Variants in NCAM2 observed in about 807,000 individuals in gnomAD.
NCAM2 encodes the protein neural cell adhesion molecule 2.
In NCAM2, 30 loss-of-function variants were observed where a neutral mutation model predicts 98.1. The ratio of observed to expected loss-of-function variants is 0.31; its 90% CI spans 0.23 to 0.41. The LOEUF (loss-of-function observed/expected upper bound fraction) is 0.41. NCAM2 is among the 10% of genes least tolerant of loss of function. The pLI, the probability that NCAM2 is intolerant of heterozygous loss-of-function variation, is 1.00. For synonymous variants in NCAM2, 368 were observed against 342.4 expected (o/e 1.07, Z -0.83); for missense variants, 867 against 1,005.8 (o/e 0.86, Z 1.87).
At chr21:21,100,059 A>G (rs2066208741) in intron 1 of NCAM2, among the ~76,000 whole-genome samples, 1 of 151,966 alleles carries the variant, frequency 6.6e-6, no homozygotes, top group African/African-American at 2.4e-5. Context: ...TTGCTTCAGG[A>G]AAAGGCCTAC....
At chr21:21,154,525 C>T (rs910097490) in intron 1 of NCAM2, among the ~76,000 whole-genome samples, 1 of 151,446 alleles carries the variant, frequency 6.6e-6, no homozygotes, top group Non-Finnish European at 1.5e-5. Flanking sequence ...CTCATATTTT[C>T]TTTAAAATAC....
At chr21:21,045,274 A>G (rs1392752115) in intron 1 of NCAM2, among the ~76,000 whole-genome samples, 1 of 152,188 alleles carries the variant, frequency 6.6e-6, no homozygotes, top group Non-Finnish European at 1.5e-5. Flanking sequence ...AAGGCAAATA[A>G]ATAAATAAAT....
At chr21:21,096,760 G>C (rs1212643732) in intron 1 of NCAM2, among the ~76,000 whole-genome samples, 1 of 151,596 alleles carries the variant, frequency 6.6e-6, no homozygotes, top group Non-Finnish European at 1.5e-5. Context: ...GTGTGTGTGT[G>C]TGTTGGTGTT....
chr21:21,254,949 ATGTGTGTGTGTGTG>A (rs58330278), intron 1 of NCAM2, among the ~76,000 whole-genome samples: 8 of 148,278 alleles, frequency 5.4e-5, no homozygotes, highest in South Asian at 2.1e-4. Context: ...TAGCATATCT[ATGTGTGTGTGTGTG>A]TGTGTGTGTG....
intron 1 of NCAM2, among the ~76,000 whole-genome samples, chr21:21,242,177 T>C (rs1245100378): frequency 6.6e-6 from 1 of 152,102 alleles, no homozygotes; most frequent in East Asian, 1.9e-4. Context: ...CCCTATTGTC[T>C]GTATTTTTAA....
Position 21,175,107 on chromosome 21 carries a change from T to A in NCAM2, c.56-105471T>A, listed in dbSNP as rs1402739825. Among the ~76,000 whole-genome samples, 3 of 152,254 alleles carry A rather than the reference T, an allele frequency of 2.0e-5. No homozygotes were observed. In the East Asian group the frequency reaches 5.8e-4, roughly 29 times the overall value. ...AACAGAAAAATAACATAATTTGATA[T>A]GTCTTTTGAGATGAGTCTGGTTAAC... On this transcript the variant is annotated intron_variant, in intron 1 of 17. Transcript: ENST00000400546.
At chr21:21,361,283 G>C (rs1370419308) in intron 8 of NCAM2, among the ~76,000 whole-genome samples, 1 of 151,902 alleles carries the variant, frequency 6.6e-6, no homozygotes, top group Non-Finnish European at 1.5e-5. Flanking sequence ...ATATTTATGT[G>C]TGTGCCTGTT....
intron 16 of NCAM2, among the ~76,000 whole-genome samples, chr21:21,526,999 A>G (rs568397098): frequency 1.1e-4 from 16 of 152,338 alleles, no homozygotes; most frequent in African/African-American, 3.4e-4. Flanking sequence ...ACCTAAATAT[A>G]AATCAAAAAA....
At chr21:21,046,815 C>G (rs2065014161) in intron 1 of NCAM2, among the ~76,000 whole-genome samples, 1 of 152,148 alleles carries the variant, frequency 6.6e-6, no homozygotes, top group African/African-American at 2.4e-5. Context: ...AAACAAAAAT[C>G]TAGTCCTGCT....
intron 15 of NCAM2, among the ~76,000 whole-genome samples, chr21:21,480,401 T>TAAAAAAAAAAAAAA (rs1985767584): frequency 7.1e-6 from 1 of 140,366 alleles, no homozygotes; most frequent in African/African-American, 2.9e-5. Flanking sequence ...TAACTGCAAC[T>TAAAAAAAAAAAAAA]AAGAGAGATT....
Position 20,998,410 on chromosome 21 carries a change from C to T in NCAM2, c.-154C>T, listed in dbSNP as rs1443899500. The T allele has an allele frequency of 3.3e-6, 2 of 606,514 alleles. No homozygotes were observed. The highest frequency in any genetic ancestry group is 3.1e-5 in the East Asian group (1 of 32,574). The allele number at this position is 606,514 out of a possible 1,614,324, so 37.6% of individuals were successfully genotyped here. On this transcript the variant is annotated 5_prime_UTR_variant, in exon 1 of 18. Transcript: ENST00000400546. ...GCGGCAAGAGCGGAGCTTGCAGTCA[C>T]TTTGCGAGGAGGAGCGCGCGGGCTG...
intron 1 of NCAM2, among the ~76,000 whole-genome samples, chr21:21,136,540 C>T (rs2067055054): frequency 6.6e-6 from 1 of 151,846 alleles, no homozygotes; most frequent in Non-Finnish European, 1.5e-5. Context: ...CCACTCACTG[C>T]AACCTCCACC....
chr21:21,405,245 T>C (rs1232676062), intron 9 of NCAM2, among the ~76,000 whole-genome samples: 1 of 152,076 alleles, frequency 6.6e-6, no homozygotes, highest in Non-Finnish European at 1.5e-5. Context: ...GGCTGAATAT[T>C]CTCAATGAAA....
chr21:21,132,057 G>T (rs763786673), intron 1 of NCAM2, among the ~76,000 whole-genome samples: 1 of 152,204 alleles, frequency 6.6e-6, no homozygotes, highest in African/African-American at 2.4e-5. Context: ...CAAAGCTGAG[G>T]TGAAGAATCC....
intron 10 of NCAM2, among the ~76,000 whole-genome samples, chr21:21,411,398 G>A (rs1473938823): frequency 6.6e-6 from 1 of 150,654 alleles, no homozygotes; most frequent in Non-Finnish European, 1.5e-5. Context: ...CAATTCTAGT[G>A]TAAATTCCAA....
intron 1 of NCAM2, among the ~76,000 whole-genome samples, chr21:21,181,752 C>G (rs537096368): frequency 6.6e-6 from 1 of 152,212 alleles, no homozygotes; most frequent in South Asian, 2.1e-4. Flanking sequence ...TTTAGTCCTT[C>G]AATGTTTCTT....
At chr21:21,484,118 T>C (rs1569109425) in intron 15 of NCAM2, among the ~76,000 whole-genome samples, 1 of 152,106 alleles carries the variant, frequency 6.6e-6, no homozygotes, top group Non-Finnish European at 1.5e-5. Context: ...TTTCAACTTA[T>C]AAATGAAAGA....
rs370839423 is a variant in NCAM2 at position 21,175,520 on chromosome 21, G to A, written c.56-105058G>A. Among the ~76,000 whole-genome samples the A allele has an allele frequency of 6.6e-5, 10 of 151,974 alleles. No homozygotes were observed. In the East Asian group the frequency reaches 1.4e-3, roughly 21 times the overall value. The stretch of plus-strand genomic sequence containing the variant: ...TGCACTCCAGCCTGGGCTACAGAGC[G>A]AGACTCCGTCTCAAAAAAAATAAAA... On this transcript the variant is annotated intron_variant, in intron 1 of 17. Coordinates refer to ENST00000400546, the MANE Select transcript of NCAM2 (RefSeq NM_004540.5).
chr21:21,119,326 C>T (rs144613283), intron 1 of NCAM2, among the ~76,000 whole-genome samples: 93 of 152,156 alleles, frequency 6.1e-4, no homozygotes, highest in African/African-American at 2.2e-3. Context: ...TTAAATTAGC[C>T]GACTATGAGC....
Sources: gnomAD v4.1 joint callset for allele counts (sites outside exome capture counted in the v4.1 genomes callset) on GRCh38, gnomAD v4.1.1 for gene constraint, MANE v1.5 for transcripts, NCBI Gene and HGNC (gene_info 2026-07-23, HGNC 2026-07-21) for gene names.